MAN2C1: variants seen among roughly 807,000 people sequenced by gnomAD.
MAN2C1 encodes the protein mannosidase alpha class 2C member 1.
In MAN2C1, 111 loss-of-function variants were observed where a neutral mutation model predicts 126.9. That is an observed-to-expected ratio of 0.87 (90% confidence interval 0.75 to 1.02). MAN2C1 has a LOEUF of 1.02. Among genes scored for constraint, MAN2C1 ranks in the 50% least tolerant of loss-of-function variants. The pLI is 0.00. For missense variants in MAN2C1, 1,363 were observed against 1,364.4 expected (o/e 1.00, Z 0.02); for synonymous variants, 567 against 561.5 (o/e 1.01, Z -0.14).
Position 75,358,833 on chromosome 15 carries a change from G to A in MAN2C1, c.2142-25C>T, listed in dbSNP as rs557413076. 1.2e-4 allele frequency: 189 copies of A among 1,584,532 alleles called. 2 individuals carry two copies. In the South Asian group the frequency reaches 2.0e-3, roughly 17 times the overall value. On this transcript the variant is annotated intron_variant, in intron 18 of 25. Transcript: ENST00000267978. ...CCTGGAAGGACATGGGATTGGTGCT[G>A]TACAACCAACTGACCTCGCTGTCTC... is the stretch of plus-strand genomic sequence containing the variant.
chr15:75,368,084 G>C lies in MAN2C1; in HGVS notation c.216C>G (p.Ser72Arg), dbSNP rs769829748. ...TGGGCGTTACCTACGTGGGTCCGAA[G>C]CTGTCGCCGACCTGCGCGGGGCGGA... ...RDFRPAQVGD[S>R]FGPTWWTCWF... is the part of the protein sequence containing the mutation. Residue 72 changes from serine to arginine, a missense_variant, in exon 2 of 26, where the codon AGC (serine) becomes AGG (arginine). By Grantham distance (110) the Ser-to-Arg change is moderately radical. Transcript: ENST00000267978. 6 of 1,607,170 alleles carry C rather than the reference G, an allele frequency of 3.7e-6. No homozygotes were observed. Among genetic ancestry groups the C allele is most frequent in the Non-Finnish European group, 5.1e-6 (6 of 1,177,930 alleles).
Position 75,364,146 on chromosome 15 carries a change from T to C in MAN2C1, c.643A>G (p.Thr215Ala), listed in dbSNP as rs748629503. The change falls in exon 6 of 26, where the codon ACA becomes GCA. Residue 215 changes from threonine to alanine, a missense_variant. Transcript: ENST00000267978. ...DNQRSFQALY[T>A]ANQMVNVCDP... ...CACACGTTCACCATCTGATTGGCTG[T>C]GTACAGGGCCTGGAAGCTGCGCTGG... The C allele has an allele frequency of 1.2e-6, 2 of 1,613,226 alleles. No homozygotes were observed. Among genetic ancestry groups the C allele is most frequent in the Non-Finnish European group, 1.7e-6 (2 of 1,179,928 alleles).
chr15:75,359,196 C>T lies in MAN2C1; in HGVS notation c.2047-43G>A. 4 of 1,611,418 alleles carry T rather than the reference C, an allele frequency of 2.5e-6. 1 individual carries two copies. The South Asian group carries it at 3.3e-5, about 13-fold the overall frequency. On this transcript the variant is annotated intron_variant, in intron 17 of 25. Coordinates refer to ENST00000267978, the MANE Select transcript of MAN2C1 (RefSeq NM_006715.4). ...TTGAGGCTGAGTCTGTAGGGGCTTC[C>T]CACACCAAAAGTCTTCCCACCCCAA...
At chr15:75,364,285 C>T in intron 5 of MAN2C1, 97 bp from the exon 6 acceptor site, 2 of 1,380,920 alleles carry the variant, frequency 1.4e-6, no homozygotes, top group Non-Finnish European at 1.9e-6. Context: ...TCCCCTGACC[C>T]CCAACCCTTT....
chr15:75,361,977 A>C lies in MAN2C1; in HGVS notation c.1009-30T>G, dbSNP rs1389544020. On this transcript the variant is annotated intron_variant, in intron 8 of 25. Coordinates refer to ENST00000267978, the MANE Select transcript of MAN2C1 (RefSeq NM_006715.4). This position sits in a 1 kb window ranked among gnomAD's most constrained non-coding sequence, Gnocchi z 5.0. Reference sequence around the variant, plus strand: ...CAGTGAAGGAAGTGGGAGGCAGCCCAGGTCAGCGCTGGACGGGGAGCAGGC... The same window carrying C: ...CAGTGAAGGAAGTGGGAGGCAGCCCCGGTCAGCGCTGGACGGGGAGCAGGC... The C allele has an allele frequency of 6.4e-7, 1 of 1,552,806 alleles. No individual in the cohort carries two copies. Among genetic ancestry groups the C allele is most frequent in the South Asian group, 1.1e-5 (1 of 89,888 alleles).
In MAN2C1 at chr15:75,362,585, G is replaced by C. The variant is rs1480537456; in HGVS notation, c.897+57C>G. On this transcript the variant is annotated intron_variant, in intron 7 of 25. Transcript: ENST00000267978. This position sits in a 1 kb window ranked among gnomAD's most constrained non-coding sequence, Gnocchi z 4.5. ...CAGGCCTGGGAAGCCTTCAGGGCCT[G>C]TGGAGCTCCAGGGAGGGCCACGTGC... 1 of 1,581,570 alleles carries C rather than the reference G, an allele frequency of 6.3e-7. No homozygotes were observed. The highest frequency in any genetic ancestry group is 1.7e-5 in the Admixed American group (1 of 58,758).
At position 75,362,907 on chromosome 15, in the gene MAN2C1, C is replaced by A. The variant is rs761171078; in HGVS notation, c.791-159G>T. The A allele has an allele frequency of 6.2e-5, 39 of 630,712 alleles. No individual in the cohort carries two copies. The highest frequency in any genetic ancestry group is 9.2e-5 in the Non-Finnish European group (33 of 357,060). 39.1% of individuals were successfully genotyped at this position (630,712 alleles called of 1,614,324 possible). On this transcript the variant is annotated intron_variant, in intron 6 of 25. Transcript: ENST00000267978. The surrounding 1 kb of genome is among the most constrained non-coding windows in gnomAD (Gnocchi z 4.5). The stretch of plus-strand genomic sequence containing the variant: ...AAGTGGTCACTTCACTTCACTCCAG[C>A]GAGGTGGGAGGAGGGGCTGGGGAAA...
chr15:75,361,928 C>T lies in MAN2C1; in HGVS notation c.1028G>A (p.Gly343Glu), dbSNP rs1046376078. 5.0e-6 allele frequency: 8 copies of T among 1,614,016 alleles called. No homozygotes were observed. Among genetic ancestry groups the T allele is most frequent in the Non-Finnish European group, 6.8e-6 (8 of 1,179,950 alleles). The change falls in exon 9 of 26, where the codon GGA becomes GAA. Residue 343 changes from glycine (G) to glutamate (E), a missense_variant. Gly to Glu is a moderately conservative substitution (Grantham distance 98). This residue lies in a region of MAN2C1 where 628 missense variants were observed against 609.8 expected (regional missense o/e 1.03). Transcript: ENST00000267978. The surrounding 1 kb of genome is among the most constrained non-coding windows in gnomAD (Gnocchi z 5.0). ...WVEMDGNLPS[G>E]EAMVRQFLQG... ...CAAAAACTGCCTCACCATGGCCTCT[C>T]CACTGGGCAGGTTCCCATCCTGGCA...
intron 5 of MAN2C1, 38 bp from the exon 6 acceptor site, chr15:75,364,226 C>A: frequency 6.4e-7 from 1 of 1,570,156 alleles, no homozygotes; most frequent in Non-Finnish European, 8.6e-7. Context: ...CTTTTTCAAG[C>A]ACAGCTTCCA....
intron 2 of MAN2C1, chr15:75,367,868 C>T (rs1468070700): frequency 2.4e-5 from 21 of 880,234 alleles, no homozygotes; most frequent in South Asian, 2.3e-4. Flanking sequence ...TGTCCAGAGG[C>T]GGCCACGTGG....
intron 2 of MAN2C1, 25 bp downstream of exon 2, chr15:75,368,048 C>G: frequency 6.3e-7 from 1 of 1,591,828 alleles, no homozygotes; most frequent in Non-Finnish European, 8.5e-7. Context: ...CCTGTGGCCC[C>G]GCCCACCCGC....
chr15:75,364,182 C>G lies in MAN2C1; in HGVS notation c.607G>C (p.Gly203Arg). ...ELLLGIAKGL[G>R]KDNQRSFQAL... is the part of the protein sequence containing the mutation. ...TGGAAGCTGCGCTGGTTGTCCTTCC[C>G]GAGGCCCTGCAGCAGGGTTCTGCCC... The change falls in exon 6 of 26, where the codon GGG (glycine) becomes CGG (arginine). Residue 203 changes from glycine to arginine, a missense_variant. Physicochemically the swap from Gly to Arg is moderately radical, Grantham distance 125 (BLOSUM62 -2). Transcript: ENST00000267978. 6.2e-7 allele frequency: 1 copy of G among 1,609,456 alleles called. No homozygotes were observed. Among genetic ancestry groups the G allele is most frequent in the Non-Finnish European group, 8.5e-7 (1 of 1,178,386 alleles).
rs543176110 is a variant in MAN2C1 at position 75,357,765 on chromosome 15, G to A, written c.2547+436C>T. ...CTCCCAAGTAGCTGGGACTACAGGC[G>A]CCCACCACCACACCCGGCTAAATTT... On this transcript the variant is annotated intron_variant, in intron 21 of 25. Transcript: ENST00000267978. 2.2e-4 allele frequency: 39 copies of A among 177,830 alleles called. 3 individuals are homozygous for A. In the South Asian group the frequency reaches 4.7e-3, roughly 21 times the overall value. The allele number at this position is 177,830 out of a possible 1,614,324, so 11.0% of individuals were successfully genotyped here.
In MAN2C1 at chr15:75,356,665, G is replaced by T; in HGVS notation, c.2678C>A (p.Pro893Gln). Residue 893 changes from proline (P) to glutamine (Q), a missense_variant, in exon 23 of 26, where the codon CCG becomes CAG. Coordinates refer to ENST00000267978, the MANE Select transcript of MAN2C1 (RefSeq NM_006715.4). This position sits in a 1 kb window ranked among gnomAD's most constrained non-coding sequence, Gnocchi z 5.8. ...GCGCCCCGTGTCAGCAGTAGCGTCC[G>T]GGGCTTTAGGCGCCCGCAAGCTGGG... ...SLSLLRAPKAPDATADTGRHE... is the reference protein window; with the variant it reads ...SLSLLRAPKAQDATADTGRHE... 1 of 1,586,292 alleles carries T rather than the reference G, an allele frequency of 6.3e-7. No individual in the cohort carries two copies.
intron 4 of MAN2C1, chr15:75,365,722 G>A (rs1017538246): frequency 8.2e-5 from 17 of 208,102 alleles, no homozygotes; most frequent in South Asian, 1.6e-4. Flanking sequence ...GCGAAACTCC[G>A]TCTCAAAAAA....
In MAN2C1 at chr15:75,362,171, C is replaced by T; in HGVS notation, c.1008+172G>A. On this transcript the variant is annotated intron_variant, in intron 8 of 25. Coordinates refer to ENST00000267978, the MANE Select transcript of MAN2C1 (RefSeq NM_006715.4). This position sits in a 1 kb window ranked among gnomAD's most constrained non-coding sequence, Gnocchi z 4.5. ...ACTTGTCACAGCGCTGGAGGCTCTC[C>T]TCCCCCTTGAAGTCCCAGGCCTTGA... is the stretch of plus-strand genomic sequence containing the variant. 1.5e-6 allele frequency: 1 copy of T among 682,192 alleles called. No individual in the cohort carries two copies. Among genetic ancestry groups the T allele is most frequent in the East Asian group, 2.7e-5 (1 of 36,926 alleles). The allele number at this position is 682,192 out of a possible 1,614,324, so 42.3% of individuals were successfully genotyped here.
At position 75,364,148 on chromosome 15, in the gene MAN2C1, T is replaced by G; in HGVS notation, c.641A>C (p.Tyr214Ser). The change falls in exon 6 of 26, where the codon TAC (tyrosine) becomes TCC (serine). Residue 214 changes from tyrosine (Y) to serine (S), a missense_variant. Around this residue, in one of 3 missense-constraint regions of MAN2C1, gnomAD observed 628 missense variants for 609.8 expected, o/e 1.03. Transcript: ENST00000267978. ...KDNQRSFQAL[Y>S]TANQMVNVCD... Reference sequence around the variant, plus strand: ...CACGTTCACCATCTGATTGGCTGTGTACAGGGCCTGGAAGCTGCGCTGGTT... The same window carrying G: ...CACGTTCACCATCTGATTGGCTGTGGACAGGGCCTGGAAGCTGCGCTGGTT... The G allele has an allele frequency of 6.2e-7, 1 of 1,613,108 alleles. No homozygotes were observed. Among genetic ancestry groups the G allele is most frequent in the Non-Finnish European group, 8.5e-7 (1 of 1,179,902 alleles).
intron 2 of MAN2C1, 36 bp downstream of exon 2, chr15:75,368,037 G>A (rs1294777519): frequency 1.3e-6 from 2 of 1,582,536 alleles, no homozygotes; most frequent in East Asian, 2.3e-5. Flanking sequence ...CTTCCCCTAG[G>A]CCTGTGGCCC....
chr15:75,357,954 C>T (rs2072370718), intron 21 of MAN2C1: 4 of 459,334 alleles, frequency 8.7e-6, no homozygotes, highest in Non-Finnish European at 1.6e-5. Context: ...GGCGTTTCAC[C>T]ATGTTGGCCA....
Sources: allele counts gnomAD v4.1 joint callset, GRCh38; gene constraint gnomAD v4.1.1; regional missense constraint gnomAD v4.1.1; non-coding constraint Gnocchi (gnomAD v3.1); transcripts MANE v1.5; gene names NCBI Gene and HGNC (gene_info 2026-07-23, HGNC 2026-07-21).